LSAMP: variants seen among roughly 807,000 people sequenced by gnomAD.
LSAMP encodes limbic system associated membrane protein.
A neutral mutation model predicts 38.6 loss-of-function variants in LSAMP; 7 were observed. That is an observed-to-expected ratio of 0.18 (90% CI 0.10 to 0.34). The LOEUF (loss-of-function observed/expected upper bound fraction) is 0.34, where lower values mean the gene tolerates loss of function less well. LSAMP is among the 10% of genes least tolerant of loss of function. The probability of loss-of-function intolerance (pLI) is 1.00; values close to 1 mark genes in which losing one functional copy is unlikely to be tolerated. For synonymous variants in LSAMP, 154 were observed against 166.8 expected, an observed-to-expected ratio of 0.92 and a Z score of 0.59; for missense variants, 313 against 420.0, an observed-to-expected ratio of 0.75 and a Z score of 2.23.
At chr3:115,970,852 C>T (rs1938994902) in intron 3 of LSAMP, among the ~76,000 whole-genome samples, 1 of 152,112 alleles carries the variant, frequency 6.6e-6, no homozygotes, top group Admixed American at 6.6e-5. Context: ...ACTTTTCTTC[C>T]ACTGAATTCT....
intron 1 of LSAMP, among the ~76,000 whole-genome samples, chr3:116,296,073 T>C (rs969334927): frequency 3.3e-5 from 5 of 152,198 alleles, no homozygotes; most frequent in Admixed American, 2.6e-4. Flanking sequence ...AACCAATTCA[T>C]AGATGGAAAA....
chr3:116,242,937 T>A (rs1294327529), intron 1 of LSAMP, among the ~76,000 whole-genome samples: 5 of 152,162 alleles, frequency 3.3e-5, no homozygotes, highest in African/African-American at 1.2e-4. Context: ...GTTAGTCAGG[T>A]CTCATCAGGA....
chr3:116,299,386 G>A (rs1463270622), intron 1 of LSAMP, among the ~76,000 whole-genome samples: 10 of 152,198 alleles, frequency 6.6e-5, no homozygotes, highest in Non-Finnish European at 1.2e-4. Context: ...AAAAGATTCT[G>A]CAGAACCACA....
intron 1 of LSAMP, 138 bp downstream of exon 1, chr3:116,444,739 C>G: frequency 1.8e-6 from 2 of 1,115,222 alleles, no homozygotes. Context: ...ACCACACACA[C>G]ACACACCACA....
chr3:116,030,873 C>A (rs1259001370), intron 2 of LSAMP, among the ~76,000 whole-genome samples: 2 of 152,062 alleles, frequency 1.3e-5, no homozygotes, highest in Non-Finnish European at 1.5e-5. Flanking sequence ...TGGCATCTAC[C>A]AGAAATCCAC....
At chr3:116,184,703 AG>A (rs2107573967) in intron 1 of LSAMP, among the ~76,000 whole-genome samples, 2 of 152,096 alleles carry the variant, frequency 1.3e-5, no homozygotes, top group Admixed American at 1.3e-4. Context: ...AGACATTTTT[AG>A]TATGATATAT....
At chr3:115,859,881 T>C (rs1276956699) in intron 3 of LSAMP, among the ~76,000 whole-genome samples, 1 of 152,246 alleles carries the variant, frequency 6.6e-6, no homozygotes, top group Non-Finnish European at 1.5e-5. Context: ...TTATTGTATT[T>C]ATACTAAACC....
chr3:116,233,517 C>T (rs1485043324), intron 1 of LSAMP, among the ~76,000 whole-genome samples: 4 of 150,086 alleles, frequency 2.7e-5, no homozygotes, highest in Non-Finnish European at 4.4e-5. Flanking sequence ...TTGAAATACA[C>T]ATTAAATTAC....
chr3:116,275,909 G>A (rs1364889636), intron 1 of LSAMP, among the ~76,000 whole-genome samples: 1 of 152,204 alleles, frequency 6.6e-6, no homozygotes, highest in Non-Finnish European at 1.5e-5. Flanking sequence ...ATCAGGGGAA[G>A]ATAGAATGGG....
intron 1 of LSAMP, among the ~76,000 whole-genome samples, chr3:116,139,652 G>A (rs1202771801): frequency 3.3e-5 from 5 of 151,834 alleles, no homozygotes; most frequent in Non-Finnish European, 7.4e-5. Flanking sequence ...GTCAACCTAG[G>A]GGCCTTTATT....
At chr3:116,043,727 C>T (rs1423948443) in intron 2 of LSAMP, among the ~76,000 whole-genome samples, 1 of 152,214 alleles carries the variant, frequency 6.6e-6, no homozygotes, top group Non-Finnish European at 1.5e-5. Flanking sequence ...AGGCGGATCA[C>T]GAGGTCAGGA....
At chr3:116,294,415 C>A (rs1198350496) in intron 1 of LSAMP, among the ~76,000 whole-genome samples, 2 of 151,850 alleles carry the variant, frequency 1.3e-5, no homozygotes, top group East Asian at 1.9e-4. Flanking sequence ...GAAATAAGAA[C>A]AATAATCACC....
chr3:115,850,355 C>A (rs1935290743), intron 4 of LSAMP, among the ~76,000 whole-genome samples: 1 of 152,098 alleles, frequency 6.6e-6, no homozygotes, highest in Admixed American at 6.6e-5. Flanking sequence ...CACGATTGGA[C>A]TTTCAGAAAT....
At chr3:116,337,998 G>A (rs1279118248) in intron 1 of LSAMP, among the ~76,000 whole-genome samples, 1 of 152,014 alleles carries the variant, frequency 6.6e-6, no homozygotes, top group Non-Finnish European at 1.5e-5. Flanking sequence ...GGATAGAAAG[G>A]AAGAGAAAAT....
chr3:116,122,012 GTC>G (rs150243863), intron 1 of LSAMP, among the ~76,000 whole-genome samples: 3,255 of 151,618 alleles, frequency 0.021, 114 homozygotes, highest in African/African-American at 0.075. Flanking sequence ...CTGTTCTAGA[GTC>G]TGTGCTGTTC....
At chr3:116,422,968 C>T (rs1372317758) in intron 1 of LSAMP, among the ~76,000 whole-genome samples, 4 of 152,110 alleles carry the variant, frequency 2.6e-5, no homozygotes, top group Non-Finnish European at 1.5e-5. Context: ...TTGTTTACTG[C>T]TTTCCTCTTC....
At chr3:116,037,765 C>A (rs562080593) in intron 2 of LSAMP, among the ~76,000 whole-genome samples, 5 of 151,800 alleles carry the variant, frequency 3.3e-5, no homozygotes, top group Non-Finnish European at 7.4e-5. Context: ...GCCTAGCACA[C>A]CTTTATAGTT....
At position 116,135,608 on chromosome 3, in the gene LSAMP, G is replaced by A. The variant is rs115946381; in HGVS notation, c.156-49052C>T. Among the ~76,000 whole-genome samples the A allele has an allele frequency of 6.7e-3, 1,013 of 152,188 alleles. 13 individuals are homozygous for A. Among genetic ancestry groups the A allele is most frequent in the African/African-American group, 0.023 (968 of 41,528 alleles). On this transcript the variant is annotated intron_variant, in intron 1 of 6. Transcript: ENST00000490035. Reference sequence around the variant, plus strand: ...ACTGCCTGACCAGTACATTCATCTTGGTCAAATGACAGATGTATTGTGTCA... The same window carrying A: ...ACTGCCTGACCAGTACATTCATCTTAGTCAAATGACAGATGTATTGTGTCA...
At chr3:115,832,148 TCC>T (rs1405208785) in intron 6 of LSAMP, among the ~76,000 whole-genome samples, 1 of 152,046 alleles carries the variant, frequency 6.6e-6, no homozygotes, top group African/African-American at 2.4e-5. Context: ...GGAGGGAAGA[TCC>T]TCCAATGAGA....
Sources: gnomAD v4.1 joint callset for allele counts (sites outside exome capture counted in the v4.1 genomes callset) on GRCh38, gnomAD v4.1.1 for gene constraint, MANE v1.5 for transcripts, NCBI Gene and HGNC (gene_info 2026-07-23, HGNC 2026-07-21) for gene names.